The following PCDH15 variants were observed in gnomAD, a reference collection of about 807,000 sequenced individuals.
The protein encoded by PCDH15 is protocadherin related 15.
In PCDH15, 129 loss-of-function variants were observed where a neutral mutation model predicts 178.5. The observed-to-expected ratio is 0.72, with a 90% CI of 0.63 to 0.84. The LOEUF (loss-of-function observed/expected upper bound fraction) is 0.84, where lower values mean the gene tolerates loss of function less well. Ranked by LOEUF, PCDH15 falls within the 40% of genes least tolerant of loss-of-function variation. The pLI is 0.00. For missense variants in PCDH15, 2,230 were observed against 2,099.9 expected (o/e 1.06, Z -1.21); for synonymous variants, 800 against 732.0 (o/e 1.09, Z -1.50).
chr10:54,603,036 C>A (rs564180231), intron 2 of PCDH15, among the ~76,000 whole-genome samples: 5 of 152,052 alleles, frequency 3.3e-5, no homozygotes, highest in South Asian at 2.1e-4. Flanking sequence ...ATTATTAATT[C>A]TTTGAATGTT....
chr10:54,290,707 C>T (rs1354354255), intron 8 of PCDH15, among the ~76,000 whole-genome samples: 1 of 152,024 alleles, frequency 6.6e-6, no homozygotes, highest in Non-Finnish European at 1.5e-5. Flanking sequence ...GAAGATCTAC[C>T]AAACAAATGG....
intron 2 of PCDH15, among the ~76,000 whole-genome samples, chr10:55,626,784 TC>T: frequency 1.3e-5 from 2 of 152,310 alleles, no homozygotes; most frequent in Non-Finnish European, 2.9e-5. Flanking sequence ...AGATACTAGT[TC>T]AGTCATCCTT....
chr10:54,669,500 T>C (rs968978208), intron 1 of PCDH15, among the ~76,000 whole-genome samples: 3 of 151,488 alleles, frequency 2.0e-5, no homozygotes, highest in Admixed American at 1.3e-4. Context: ...TAAATTTACA[T>C]TAATGATAGG....
chr10:54,571,396 G>T (rs1191215637), intron 2 of PCDH15, among the ~76,000 whole-genome samples: 1 of 147,960 alleles, frequency 6.8e-6, no homozygotes, highest in African/African-American at 2.5e-5. Flanking sequence ...AAGCATGAAT[G>T]TCTTAAATAT....
At chr10:54,292,986 A>T in intron 8 of PCDH15, among the ~76,000 whole-genome samples, 1 of 152,210 alleles carries the variant, frequency 6.6e-6, no homozygotes, top group East Asian at 1.9e-4. Flanking sequence ...AAGTGGAAAT[A>T]AAAAAGAGCC....
At chr10:53,952,254 T>A (rs368343572) in intron 23 of PCDH15, among the ~76,000 whole-genome samples, 2 of 152,150 alleles carry the variant, frequency 1.3e-5, no homozygotes, top group Non-Finnish European at 1.5e-5. Flanking sequence ...TTGTCCCACA[T>A]CTAGGAAGAA....
intron 15 of PCDH15, among the ~76,000 whole-genome samples, chr10:54,113,873 C>T (rs542640257): frequency 1.3e-5 from 2 of 152,136 alleles, no homozygotes; most frequent in Admixed American, 1.3e-4. Context: ...GCTATGGAGG[C>T]CTCACAATCA....
intron 2 of PCDH15, among the ~76,000 whole-genome samples, chr10:55,350,232 T>C (rs1426808361): frequency 8.6e-5 from 5 of 57,966 alleles, no homozygotes; most frequent in Admixed American, 3.4e-4. Context: ...TAAACTCATA[T>C]ATATATATAT....
chr10:55,301,318 G>C (rs893133201), intron 1 of PCDH15, among the ~76,000 whole-genome samples: 4 of 152,116 alleles, frequency 2.6e-5, no homozygotes, highest in African/African-American at 9.7e-5. Flanking sequence ...GTGAAGCGAT[G>C]CCTCCTTATG....
intron 6 of PCDH15, among the ~76,000 whole-genome samples, chr10:54,342,673 T>A (rs1384851808): frequency 6.6e-6 from 1 of 152,158 alleles, no homozygotes; most frequent in Non-Finnish European, 1.5e-5. Flanking sequence ...TTGCATCATG[T>A]GCTTGGAAAA....
intron 1 of PCDH15, among the ~76,000 whole-genome samples, chr10:54,742,981 C>T (rs1307774665): frequency 6.6e-6 from 1 of 151,978 alleles, no homozygotes; most frequent in East Asian, 1.9e-4. Flanking sequence ...ACAAACTGGT[C>T]TTTATCTAAC....
chr10:54,059,032 T>C (rs1254329818), intron 18 of PCDH15, among the ~76,000 whole-genome samples: 3 of 152,126 alleles, frequency 2.0e-5, no homozygotes, highest in Admixed American at 1.3e-4. Context: ...GTAACAACTT[T>C]CTTCATCAGC....
At chr10:54,929,704 T>A (rs1217263108) in intron 2 of PCDH15, among the ~76,000 whole-genome samples, 2 of 152,128 alleles carry the variant, frequency 1.3e-5, no homozygotes, top group African/African-American at 4.8e-5. Context: ...CACAAACAAG[T>A]CTGAGTGTGT....
intron 8 of PCDH15, among the ~76,000 whole-genome samples, chr10:54,244,586 CA>C (rs1451359932): frequency 2.6e-5 from 4 of 152,194 alleles, no homozygotes; most frequent in East Asian, 1.9e-4. Flanking sequence ...CCACATAACT[CA>C]AACCTGAGAA....
intron 17 of PCDH15, among the ~76,000 whole-genome samples, chr10:54,072,678 G>T (rs988458069): frequency 6.6e-6 from 1 of 152,066 alleles, no homozygotes; most frequent in Non-Finnish European, 1.5e-5. Flanking sequence ...GAAACTAAGA[G>T]AAATTTGGGT....
At chr10:54,553,582 T>C (rs189609836) in intron 2 of PCDH15, among the ~76,000 whole-genome samples, 640 of 152,286 alleles carry the variant, frequency 4.2e-3, no homozygotes, top group Non-Finnish European at 6.9e-3. Context: ...CAGACATGGA[T>C]CCTGATAAGT....
At chr10:55,128,710 ATGC>A (rs1370758140) in intron 2 of PCDH15, among the ~76,000 whole-genome samples, 1 of 152,064 alleles carries the variant, frequency 6.6e-6, no homozygotes, top group Non-Finnish European at 1.5e-5. Flanking sequence ...CCAATATTAA[ATGC>A]TATGGGTAGC....
At chr10:53,810,441 G>A (rs1444929986) in intron 37 of PCDH15, 115 bp downstream of exon 37, 20 of 865,488 alleles carry the variant, frequency 2.3e-5, no homozygotes, top group East Asian at 2.1e-4. Context: ...TGGGAAATAC[G>A]TACTAAGTGA....
chr10:54,623,270 G>A (rs1004751476), intron 2 of PCDH15, among the ~76,000 whole-genome samples: 1 of 151,966 alleles, frequency 6.6e-6, no homozygotes, highest in Non-Finnish European at 1.5e-5. Flanking sequence ...ATCCTTTGGC[G>A]GCAGAAGCTC....
Sources: allele counts gnomAD v4.1 joint callset (sites outside exome capture counted in the v4.1 genomes callset), GRCh38; gene constraint gnomAD v4.1.1; transcripts MANE v1.5; gene names NCBI Gene and HGNC (gene_info 2026-07-23, HGNC 2026-07-21).